DEAF1: variants seen among roughly 807,000 people sequenced by gnomAD.
The protein encoded by DEAF1 is DEAF1 transcription factor.
DEAF1 carries 53 observed loss-of-function variants against 58.9 expected under a neutral mutation model. That is an observed-to-expected ratio of 0.90 (90% confidence interval 0.72 to 1.13). The LOEUF (loss-of-function observed/expected upper bound fraction) is 1.13, where lower values mean the gene tolerates loss of function less well. DEAF1 is among the 50% of genes most tolerant of loss of function. The pLI is 0.00. For missense variants in DEAF1, 685 were observed against 791.4 expected, an observed-to-expected ratio of 0.87 and a Z score of 1.61; for synonymous variants, 385 against 340.4, an observed-to-expected ratio of 1.13 and a Z score of -1.44.
chr11:671,845 A>G (rs796238774), intron 10 of DEAF1, among the ~76,000 whole-genome samples: 2 of 136,234 alleles, frequency 1.5e-5, no homozygotes, highest in South Asian at 2.5e-4. Flanking sequence ...AAAAAAAAAA[A>G]AAAAGAAACA....
rs7124408 is a variant in DEAF1 at position 703,807 on chromosome 11, G to A, written c.-438+2765C>T. ...CCACACTTCTCCCTTCAGGGGCTTC[G>A]GAGGAGAGGTCAGGGCTAAGGCCGG... On this transcript the variant is annotated intron_variant, in intron 1 of 11. Coordinates refer to the DEAF1 transcript ENST00000683307. 21,682 of 1,232,984 alleles carry A rather than the reference G, an allele frequency of 0.018. 283 individuals are homozygous for A. The highest frequency in any genetic ancestry group is 0.056 in the African/African-American group (3,598 of 64,548). The allele number at this position is 1,232,984 out of a possible 1,614,324, so 76.4% of individuals were successfully genotyped here.
At chr11:648,850 A>AAAT (rs1233622328) in intron 11 of DEAF1, among the ~76,000 whole-genome samples, 2 of 152,246 alleles carry the variant, frequency 1.3e-5, no homozygotes, top group Non-Finnish European at 2.9e-5. Context: ...CACAACTAGA[A>AAAT]AATACACATT....
chr11:702,749 G>A (rs1461512248), intron 1 of DEAF1, among the ~76,000 whole-genome samples: 2 of 152,348 alleles, frequency 1.3e-5, no homozygotes, highest in East Asian at 1.9e-4. Context: ...AGGGGCTCAC[G>A]CCTGTGTTGC....
intron 10 of DEAF1, among the ~76,000 whole-genome samples, chr11:661,130 G>A (rs549009922): frequency 4.6e-5 from 7 of 152,306 alleles, no homozygotes; most frequent in East Asian, 1.9e-4. Context: ...GCCTGAGAGC[G>A]AGCTACTAGA....
intron 9 of DEAF1, among the ~76,000 whole-genome samples, chr11:677,126 CTT>C (rs557272383): frequency 6.9e-6 from 1 of 145,976 alleles, no homozygotes; most frequent in Non-Finnish European, 1.5e-5. Flanking sequence ...CCACCCCACA[CTT>C]TTTTTTTTTT....
chr11:700,583 A>G (rs1359107849), intron 1 of DEAF1: 2 of 1,559,462 alleles, frequency 1.3e-6, no homozygotes, highest in South Asian at 2.2e-5. Flanking sequence ...GTGCCAGGTT[A>G]CTTATGTTCC....
chr11:650,653 T>C (rs1858723749), intron 11 of DEAF1, among the ~76,000 whole-genome samples: 2 of 152,092 alleles, frequency 1.3e-5, no homozygotes, highest in African/African-American at 4.8e-5. Context: ...CCAAAAAGGT[T>C]TTTTTTAAAA....
At chr11:698,652 C>A (rs980524404), upstream of DEAF1, among the ~76,000 whole-genome samples, 1 of 152,136 alleles carries the variant, frequency 6.6e-6, no homozygotes, top group Non-Finnish European at 1.5e-5. Flanking sequence ...TCTCCAGCCT[C>A]AGGTTCTGAA....
chr11:703,472 G>GGGCC (rs1229090488), intron 1 of DEAF1: 1 of 1,258,666 alleles, frequency 7.9e-7, no homozygotes, highest in Non-Finnish European at 1.0e-6. Flanking sequence ...AGACCCCCAT[G>GGGCC]GGCCCCCAGG....
At chr11:694,606 A>T in intron 1 of DEAF1, 153 bp downstream of exon 1, 2 of 593,976 alleles carry the variant, frequency 3.4e-6, no homozygotes, top group Non-Finnish European at 4.8e-6. Context: ...TGTGAGGGGC[A>T]GGTGTGCAGG....
rs1860701451 is a variant in DEAF1, at chr11:688,782, T to C, written c.388-322A>G. 6.6e-6 allele frequency among the ~76,000 whole-genome samples: 1 copy of C among 152,166 alleles called. No individual in the cohort carries two copies. Among genetic ancestry groups the C allele is most frequent in the Admixed American group, 6.5e-5 (1 of 15,276 alleles). ...AGCCGCTCCCACAAGGTCACCGTCTTCATGCAGAGTTTCCAACAGACCGAG... is the reference window on the plus strand; with the variant it reads ...AGCCGCTCCCACAAGGTCACCGTCTCCATGCAGAGTTTCCAACAGACCGAG... On this transcript the variant is annotated intron_variant, in intron 2 of 11. Coordinates refer to ENST00000382409, the MANE Select transcript of DEAF1 (RefSeq NM_021008.4). This position sits in a 1 kb window ranked among gnomAD's most constrained non-coding sequence, Gnocchi z 4.3.
At chr11:658,534 C>A (rs1287796697) in intron 10 of DEAF1, among the ~76,000 whole-genome samples, 1 of 152,282 alleles carries the variant, frequency 6.6e-6, no homozygotes, top group Non-Finnish European at 1.5e-5. Flanking sequence ...ATCGACAAGT[C>A]CCATTCTGCG....
At chr11:695,488 C>T, upstream of DEAF1, 1 of 784,360 alleles carries the variant, frequency 1.3e-6, no homozygotes, top group Non-Finnish European at 1.7e-6. Context: ...TCGCCGGCGG[C>T]CGGCGCAATT....
At chr11:657,530 C>A (rs968778156) in intron 10 of DEAF1, among the ~76,000 whole-genome samples, 2 of 152,168 alleles carry the variant, frequency 1.3e-5, no homozygotes, top group African/African-American at 4.8e-5. Context: ...TATTCCAGAT[C>A]CTCCCGTCTA....
chr11:653,875 G>A (rs996553555), intron 11 of DEAF1, 87 bp downstream of exon 11: 31 of 1,172,920 alleles, frequency 2.6e-5, no homozygotes, highest in Middle Eastern at 3.9e-4. Context: ...TGTGGCACCA[G>A]GAGCACAAGG....
chr11:695,724 G>A, upstream of DEAF1: 1 of 1,241,390 alleles, frequency 8.1e-7, no homozygotes, highest in Non-Finnish European at 1.0e-6. Flanking sequence ...ACGCGGCGCG[G>A]TCGGGCCCCT....
At chr11:649,077 CCTCT>C (rs910962798) in intron 11 of DEAF1, among the ~76,000 whole-genome samples, 1 of 152,096 alleles carries the variant, frequency 6.6e-6, no homozygotes, top group Admixed American at 6.6e-5. Flanking sequence ...ATGGCAAAAC[CCTCT>C]CTCTACGAAA....
chr11:644,515 G>A lies in DEAF1; in HGVS notation c.*35C>T, dbSNP rs749882867. The A allele has an allele frequency of 1.8e-5, 28 of 1,575,488 alleles. No homozygotes were observed. Among genetic ancestry groups the A allele is most frequent in the East Asian group, 2.2e-5 (1 of 44,528 alleles). ...ACCTGCAAAAGCCTCACAGGAGTGC[G>A]AGGGGCCCCAGCTCCCAGGGCGGCC... On this transcript the variant is annotated 3_prime_UTR_variant, in exon 12 of 12. Transcript: ENST00000382409. This position sits in a 1 kb window ranked among gnomAD's most constrained non-coding sequence, Gnocchi z 4.3.
rs2133377407 is a variant in DEAF1, at chr11:678,745, G to A, written c.1204C>T (p.Gln402Ter). 5.6e-6 allele frequency: 9 copies of A among 1,614,226 alleles called. No individual in the cohort carries two copies. Among genetic ancestry groups the A allele is most frequent in the Non-Finnish European group, 7.6e-6 (9 of 1,180,024 alleles). Residue 402 changes from glutamine (Q) to a stop codon, truncating the protein, a stop_gained, in exon 9 of 12, where the codon CAG (glutamine) becomes TAG (stop). Transcript: ENST00000382409. LOFTEE classifies it high-confidence loss of function. ...GCAGCTTCTGGAAACGGTGCGATCT[G>A]GCAGCTGTCCTGATAGCCGGGGTAG... ...PHYPGYQDSC[Q>*]IAPFPEAALP...
Sources: gnomAD v4.1 joint callset for allele counts (sites outside exome capture counted in the v4.1 genomes callset) on GRCh38, gnomAD v4.1.1 for gene constraint, Gnocchi (gnomAD v3.1) non-coding constraint, MANE v1.5 for transcripts, NCBI Gene and HGNC (gene_info 2026-07-23, HGNC 2026-07-21) for gene names.